Variants in CPED1 observed in about 807,000 individuals in gnomAD.
The protein encoded by CPED1 is cadherin-like and PC-esterase domain-containing protein 1.
A neutral mutation model predicts 128.2 loss-of-function variants in CPED1; 114 were observed. That is an observed-to-expected ratio of 0.89 (90% CI 0.76 to 1.04). The LOEUF (loss-of-function observed/expected upper bound fraction) is 1.04, where lower values mean the gene tolerates loss of function less well. Ranked by LOEUF, CPED1 falls within the 50% of genes least tolerant of loss-of-function variation. The probability of loss-of-function intolerance (pLI) is 0.00; values close to 1 mark genes in which losing one functional copy is unlikely to be tolerated. For missense variants in CPED1, 1,211 were observed against 1,207.1 expected (o/e 1.00, Z -0.05); for synonymous variants, 462 against 426.7 (o/e 1.08, Z -1.02).
At chr7:121,261,831 T>G (rs1792024745) in intron 18 of CPED1, 1 of 1,029,104 alleles carries the variant, frequency 9.7e-7, no homozygotes, top group Non-Finnish European at 1.4e-6. Flanking sequence ...GTTACAGTGC[T>G]TAGCTTATCT....
At chr7:121,042,144 C>T (rs1793075360) in intron 3 of CPED1, among the ~76,000 whole-genome samples, 1 of 143,786 alleles carries the variant, frequency 7.0e-6, no homozygotes, top group African/African-American at 2.5e-5. Context: ...AAAAAAAAAA[C>T]TAAGAAAGTT....
intron 22 of CPED1, among the ~76,000 whole-genome samples, chr7:121,284,340 C>T (rs1037689792): frequency 1.3e-5 from 2 of 152,148 alleles, no homozygotes; most frequent in Admixed American, 6.5e-5. Flanking sequence ...GGTGGGGACA[C>T]AGCCAAACCA....
At chr7:121,069,941 T>C (rs1793946371) in intron 5 of CPED1, among the ~76,000 whole-genome samples, 2 of 152,064 alleles carry the variant, frequency 1.3e-5, no homozygotes, top group Non-Finnish European at 2.9e-5. Context: ...TTCCAGTAGT[T>C]TTATCTTAGC....
chr7:121,106,095 C>T (rs1198222622), intron 7 of CPED1, among the ~76,000 whole-genome samples: 1 of 152,028 alleles, frequency 6.6e-6, no homozygotes, highest in African/African-American at 2.4e-5. Context: ...GTCTATCATC[C>T]TTATTTTAAT....
intron 3 of CPED1, among the ~76,000 whole-genome samples, chr7:121,035,561 C>A (rs1278726478): frequency 1.3e-5 from 2 of 152,000 alleles, no homozygotes; most frequent in Non-Finnish European, 2.9e-5. Flanking sequence ...GGACTGGGCA[C>A]AGTGGCTCAG....
At chr7:121,233,527 C>T (rs1917119) in intron 16 of CPED1, among the ~76,000 whole-genome samples, 2 of 151,650 alleles carry the variant, frequency 1.3e-5, no homozygotes, top group African/African-American at 4.8e-5. Context: ...CCAGCCTGAG[C>T]GACAGAGGAA....
At chr7:121,222,548 T>C (rs145589702) in intron 16 of CPED1, among the ~76,000 whole-genome samples, 5,659 of 152,272 alleles carry the variant, frequency 0.037, 137 homozygotes, top group Middle Eastern at 0.048. Flanking sequence ...CCTTTGGCAG[T>C]ATGGCCATTT....
intron 5 of CPED1, among the ~76,000 whole-genome samples, chr7:121,095,673 C>G (rs1794681270): frequency 6.6e-6 from 1 of 151,988 alleles, no homozygotes; most frequent in Non-Finnish European, 1.5e-5. Context: ...CTTGGCAATT[C>G]CTGTATTGGA....
chr7:121,043,713 C>T (rs1368527326), intron 3 of CPED1, among the ~76,000 whole-genome samples: 2 of 152,158 alleles, frequency 1.3e-5, no homozygotes, highest in African/African-American at 4.8e-5. Context: ...TGGCTCCAGC[C>T]AGTCACTGCC....
intron 17 of CPED1, among the ~76,000 whole-genome samples, chr7:121,238,634 A>G (rs897448078): frequency 6.6e-6 from 1 of 152,104 alleles, no homozygotes; most frequent in Non-Finnish European, 1.5e-5. Flanking sequence ...AGGAAGTGGC[A>G]CAGGGCCATT....
rs796197808 is a variant in CPED1 at position 121,073,733 on chromosome 7, A to G, written c.616+9420A>G. ...GAATACTTCAAGTTATCTTTTGTTA[A>G]TTCCTCTGGTGTGGTGTCTATTTGC... On this transcript the variant is annotated intron_variant, in intron 5 of 22. Transcript: ENST00000310396. Among the ~76,000 whole-genome samples the G allele has an allele frequency of 1.1e-4, 16 of 151,216 alleles. 1 individual carries two copies. The highest frequency in any genetic ancestry group is 3.6e-4 in the African/African-American group (15 of 41,220).
At chr7:121,074,494 A>G (rs146393361) in intron 5 of CPED1, among the ~76,000 whole-genome samples, 43 of 116,928 alleles carry the variant, frequency 3.7e-4, no homozygotes, top group African/African-American at 1.3e-3. Flanking sequence ...TTCCTTACTA[A>G]TAAATTTCCT....
chr7:121,222,359 C>A (rs191369121), intron 16 of CPED1, among the ~76,000 whole-genome samples: 73 of 152,220 alleles, frequency 4.8e-4, no homozygotes, highest in Non-Finnish European at 9.3e-4. Context: ...TTTACTGTAG[C>A]CTTGTAGTAT....
chr7:121,088,939 G>A (rs1794513248), intron 5 of CPED1, among the ~76,000 whole-genome samples: 1 of 152,066 alleles, frequency 6.6e-6, no homozygotes, highest in Non-Finnish European at 1.5e-5. Context: ...CCTGGCTAAT[G>A]ATGGGGATAA....
chr7:121,239,059 C>T (rs556054413), intron 17 of CPED1, among the ~76,000 whole-genome samples: 17 of 152,232 alleles, frequency 1.1e-4, no homozygotes, highest in Non-Finnish European at 2.2e-4. Context: ...TAGCAGTCTG[C>T]AAGAATGTAT....
intron 22 of CPED1, among the ~76,000 whole-genome samples, chr7:121,280,523 G>C (rs1319142834): frequency 1.3e-5 from 2 of 152,258 alleles, no homozygotes; most frequent in East Asian, 3.9e-4. Flanking sequence ...ACAATATGCT[G>C]ACTGCAAATC....
intron 16 of CPED1, among the ~76,000 whole-genome samples, chr7:121,205,605 A>G (rs1267787210): frequency 6.6e-6 from 1 of 152,092 alleles, no homozygotes; most frequent in Admixed American, 6.6e-5. Flanking sequence ...AATGAAGAAT[A>G]TAATTACATA....
rs1792823763 is a variant in CPED1 at position 121,296,330 on chromosome 7, C to T, written c.*678C>T. On this transcript the variant is annotated 3_prime_UTR_variant, in exon 23 of 23. Transcript: ENST00000310396. ...ACTTCTTGTGTTTTTCATAAACATT[C>T]CCTCTTGTCTTATCTGTGTACTTCG... 6.6e-6 allele frequency: 1 copy of T among 152,138 alleles called. No individual in the cohort carries two copies. Among genetic ancestry groups the T allele is most frequent in the Non-Finnish European group, 1.5e-5 (1 of 68,004 alleles). The allele number at this position is 152,138 out of a possible 1,614,324, so 9.4% of individuals were successfully genotyped here. A position where few individuals can be genotyped will look rare whatever the true frequency, so the allele number is the denominator to read the frequency against.
intron 18 of CPED1, among the ~76,000 whole-genome samples, chr7:121,256,135 A>AAAAAC (rs1554358607): frequency 2.7e-5 from 4 of 148,882 alleles, no homozygotes; most frequent in African/African-American, 1.0e-4. Flanking sequence ...AAAACAAAAA[A>AAAAAC]AAAAAACAAA....
Sources: allele counts gnomAD v4.1 joint callset (sites outside exome capture counted in the v4.1 genomes callset), GRCh38; gene constraint gnomAD v4.1.1; transcripts MANE v1.5; gene names NCBI Gene and HGNC (gene_info 2026-07-23, HGNC 2026-07-21).